The following MYO9A variants were observed in gnomAD, a reference collection of about 807,000 sequenced individuals.
MYO9A encodes unconventional myosin-IXa.
A neutral mutation model predicts 293.3 loss-of-function variants in MYO9A; 103 were observed. The ratio of observed to expected loss-of-function variants is 0.35; its 90% CI spans 0.30 to 0.41. The LOEUF (loss-of-function observed/expected upper bound fraction) is 0.41, where lower values mean the gene tolerates loss of function less well. Among genes scored for constraint, MYO9A ranks in the 10% least tolerant of loss-of-function variants. The probability of loss-of-function intolerance (pLI) is 1.00; values close to 1 mark genes in which losing one functional copy is unlikely to be tolerated. For missense variants in MYO9A, 2,685 were observed against 3,033.0 expected, an observed-to-expected ratio of 0.89 and a Z score of 2.69; for synonymous variants, 1,001 against 1,035.7, an observed-to-expected ratio of 0.97 and a Z score of 0.64.
intron 2 of MYO9A, among the ~76,000 whole-genome samples, chr15:72,038,939 A>G (rs1008142151): frequency 2.0e-5 from 3 of 152,070 alleles, no homozygotes; most frequent in Non-Finnish European, 4.4e-5. Context: ...CTTAAAATAT[A>G]TACATAATCT....
intron 19 of MYO9A, among the ~76,000 whole-genome samples, chr15:71,911,196 T>A (rs1477159246): frequency 6.6e-6 from 1 of 152,206 alleles, no homozygotes; most frequent in African/African-American, 2.4e-5. Context: ...AAAAGTAATA[T>A]GTAGCTATTC....
chr15:71,884,954 TCTTC>T (rs1191804075), intron 27 of MYO9A, among the ~76,000 whole-genome samples: 2 of 145,480 alleles, frequency 1.4e-5, no homozygotes, highest in Non-Finnish European at 3.0e-5. Flanking sequence ...GCTCTTTCTT[TCTTC>T]CTTTTTTTTT....
At chr15:72,070,878 C>T (rs1323030323) in intron 1 of MYO9A, among the ~76,000 whole-genome samples, 5 of 152,168 alleles carry the variant, frequency 3.3e-5, no homozygotes, top group African/African-American at 1.2e-4. Flanking sequence ...TGGACCCCTA[C>T]CTCTCACCAT....
chr15:71,984,306 T>C (rs1018949166), intron 11 of MYO9A, among the ~76,000 whole-genome samples: 34 of 152,370 alleles, frequency 2.2e-4, no homozygotes, highest in African/African-American at 7.9e-4. Context: ...ACTTAAAATA[T>C]TTTCAGCTTG....
At chr15:72,007,540 T>C (rs1336922022) in intron 8 of MYO9A, among the ~76,000 whole-genome samples, 1 of 152,026 alleles carries the variant, frequency 6.6e-6, no homozygotes, top group Non-Finnish European at 1.5e-5. Context: ...TACAGTCCAG[T>C]GTGGAAATAT....
chr15:72,014,772 G>GAAAGAAAGA (rs2077280173), intron 6 of MYO9A, among the ~76,000 whole-genome samples: 1 of 149,450 alleles, frequency 6.7e-6, no homozygotes, highest in Admixed American at 6.7e-5. Flanking sequence ...GAAAGAAAGA[G>GAAAGAAAGA]AAAGAAAGAA....
At chr15:72,074,057 T>C (rs2079272591) in intron 1 of MYO9A, among the ~76,000 whole-genome samples, 1 of 152,166 alleles carries the variant, frequency 6.6e-6, no homozygotes, top group African/African-American at 2.4e-5. Context: ...AACAAAAATT[T>C]ATCCTCACAT....
intron 6 of MYO9A, among the ~76,000 whole-genome samples, chr15:72,016,581 T>G (rs1596386103): frequency 1.3e-5 from 2 of 152,092 alleles, no homozygotes; most frequent in African/African-American, 4.8e-5. Flanking sequence ...TTCTAATAAC[T>G]CACAGGGAAA....
chr15:71,978,283 T>C lies in MYO9A; in HGVS notation c.1732A>G (p.Arg578Gly), dbSNP rs1162651732. Residue 578 changes from arginine (R) to glycine (G), a missense_variant, in exon 12 of 42, where the codon AGA (arginine) becomes GGA (glycine). Transcript: ENST00000356056. Reference protein sequence around the residue: ...HIFKLEQEEYRTEGISWHNID... With the variant: ...HIFKLEQEEYGTEGISWHNID... ...TTGTGCCAGCTGATACCTTCAGTTC[T>C]ATATTCCTCCTAGAAAAACCAAAAA... is the stretch of plus-strand genomic sequence containing the variant. 1.2e-6 allele frequency: 2 copies of C among 1,602,938 alleles called. No individual in the cohort carries two copies. Among genetic ancestry groups the C allele is most frequent in the Non-Finnish European group, 1.7e-6 (2 of 1,176,578 alleles).
At chr15:71,918,257 A>C (rs966594525) in intron 18 of MYO9A, among the ~76,000 whole-genome samples, 3 of 152,200 alleles carry the variant, frequency 2.0e-5, no homozygotes, top group African/African-American at 7.2e-5. Flanking sequence ...GTAAATTATT[A>C]TAACTTTCCT....
At chr15:72,005,427 C>CA (rs552194623) in intron 8 of MYO9A, among the ~76,000 whole-genome samples, 1,696 of 152,260 alleles carry the variant, frequency 0.011, 30 homozygotes, top group African/African-American at 0.039. Flanking sequence ...ACTGCCTAGA[C>CA]TTATAAGTAA....
rs1484462121 is a variant in MYO9A, at chr15:71,888,275, C to T, written c.5143-159G>A. On this transcript the variant is annotated intron_variant, in intron 26 of 41. Coordinates refer to ENST00000356056, the MANE Select transcript of MYO9A (RefSeq NM_006901.4). ...GAAATAATAGAGCCTACTGAAAACT[C>T]TATATAAAGTAATCTGAAATAAAGA... The T allele has an allele frequency of 1.7e-5, 7 of 420,480 alleles. No individual in the cohort carries two copies. In the Admixed American group the frequency reaches 2.1e-4, roughly 13 times the overall value. 26.0% of individuals were successfully genotyped at this position (420,480 alleles called of 1,614,324 possible).
chr15:72,021,057 C>A, intron 4 of MYO9A, 40 bp from the exon 5 acceptor site: 1 of 1,304,354 alleles, frequency 7.7e-7, no homozygotes, highest in Non-Finnish European at 1.1e-6. Context: ...TAATGTGTGA[C>A]TTATGGTTAT....
intron 39 of MYO9A, among the ~76,000 whole-genome samples, chr15:71,837,656 C>T (rs1011794959): frequency 1.0e-3 from 156 of 152,110 alleles, no homozygotes; most frequent in African/African-American, 3.6e-3. Flanking sequence ...ACAAGCTCAA[C>T]AGATCTGATC....
At chr15:71,923,534 C>T (rs375212960) in intron 18 of MYO9A, among the ~76,000 whole-genome samples, 3 of 152,272 alleles carry the variant, frequency 2.0e-5, no homozygotes, top group African/African-American at 7.2e-5. Context: ...CTGATTTGAA[C>T]TCAGAGTTGT....
rs138454769 is a variant in MYO9A, at chr15:71,827,945, C to A, written c.7122G>T (p.Gly2374=). The A allele has an allele frequency of 4.8e-5, 77 of 1,613,854 alleles. No homozygotes were observed. The East Asian group carries it at 1.7e-3, about 36-fold the overall frequency. The change falls in exon 41 of 42, where the codon GGG becomes GGT. Residue 2374 remains glycine (G), a synonymous_variant. Coordinates refer to ENST00000356056, the MANE Select transcript of MYO9A (RefSeq NM_006901.4). ...TCAAATTCTCTGAGCTATCAGCAGT[C>A]CCAATGGAGGCCTCAGACTCAAGGG... ...DETLESEASI[G]TADSSENLNM...
chr15:72,071,414 G>C (rs1053803711), intron 1 of MYO9A, among the ~76,000 whole-genome samples: 13 of 152,108 alleles, frequency 8.5e-5, no homozygotes, highest in African/African-American at 3.1e-4. Context: ...GCAAGTATGT[G>C]GAACAAAAGG....
At chr15:71,854,656 T>C in intron 34 of MYO9A, 87 bp from the exon 35 acceptor site, 1 of 1,094,780 alleles carries the variant, frequency 9.1e-7, no homozygotes, top group Non-Finnish European at 1.3e-6. Flanking sequence ...GCTACTTTTT[T>C]ATTTCTCTGA....
intron 13 of MYO9A, among the ~76,000 whole-genome samples, chr15:71,961,937 T>C (rs1256265949): frequency 1.3e-5 from 2 of 152,078 alleles, no homozygotes; most frequent in African/African-American, 4.8e-5. Flanking sequence ...TTGCCCAGGC[T>C]GGTCTTGAAC....
Sources: allele counts gnomAD v4.1 joint callset (sites outside exome capture counted in the v4.1 genomes callset), GRCh38; gene constraint gnomAD v4.1.1; transcripts MANE v1.5; gene names NCBI Gene and HGNC (gene_info 2026-07-23, HGNC 2026-07-21).